Variants in SLMAP observed in about 807,000 individuals in gnomAD.
The protein encoded by SLMAP is sarcolemmal membrane-associated protein.
A neutral mutation model predicts 128.8 loss-of-function variants in SLMAP; 44 were observed. The observed-to-expected ratio is 0.34, with a 90% confidence interval of 0.27 to 0.44. The LOEUF (loss-of-function observed/expected upper bound fraction) is 0.44. Ranked by LOEUF, SLMAP falls within the 20% of genes least tolerant of loss-of-function variation. The probability of loss-of-function intolerance (pLI) is 1.00; values close to 1 mark genes in which losing one functional copy is unlikely to be tolerated. For synonymous variants in SLMAP, 327 were observed against 348.8 expected (o/e 0.94, Z 0.70); for missense variants, 787 against 985.3 (o/e 0.80, Z 2.69).
intron 2 of SLMAP, among the ~76,000 whole-genome samples, chr3:57,772,471 C>T (rs893324711): frequency 1.3e-5 from 2 of 152,142 alleles, no homozygotes; most frequent in African/African-American, 2.4e-5. Context: ...ACAGAAGTGG[C>T]GTTGTGCAGA....
chr3:57,909,202 G>T, intron 19 of SLMAP, 52 bp downstream of exon 19: 1 of 1,389,802 alleles, frequency 7.2e-7, no homozygotes, highest in South Asian at 1.3e-5. Context: ...TTTGTTTTTA[G>T]TGATTCAAAA....
At chr3:57,912,770 AG>A in intron 20 of SLMAP, 69 bp downstream of exon 20, 2 of 1,198,340 alleles carry the variant, frequency 1.7e-6, no homozygotes, top group Admixed American at 2.6e-5. Context: ...TGTTTAAAAA[AG>A]AAACATGCAG....
At chr3:57,880,323 T>C (rs2095704555) in intron 14 of SLMAP, among the ~76,000 whole-genome samples, 1 of 152,040 alleles carries the variant, frequency 6.6e-6, no homozygotes, top group Non-Finnish European at 1.5e-5. Context: ...TGTCTCGGCC[T>C]CCTGAGTAGC....
At chr3:57,894,392 A>G (rs562279348) in intron 15 of SLMAP, among the ~76,000 whole-genome samples, 1 of 152,216 alleles carries the variant, frequency 6.6e-6, no homozygotes, top group Non-Finnish European at 1.5e-5. Context: ...TTTTCATTCC[A>G]TAATATATGT....
intron 8 of SLMAP, among the ~76,000 whole-genome samples, chr3:57,858,751 C>T (rs577798490): frequency 1.3e-5 from 2 of 152,102 alleles, no homozygotes; most frequent in South Asian, 4.2e-4. Flanking sequence ...AAGACCAGTC[C>T]AACCGACATG....
chr3:57,869,630 T>TTATATGTATGTATATATATATA (rs1553900185), intron 13 of SLMAP, among the ~76,000 whole-genome samples: 11 of 75,466 alleles, frequency 1.5e-4, no homozygotes, highest in African/African-American at 5.5e-4. Flanking sequence ...CCCATCTCTA[T>TTATATGTATGTATATATATATA]TATATATATA....
intron 18 of SLMAP, among the ~76,000 whole-genome samples, chr3:57,908,793 A>G (rs115361246): frequency 1.2e-4 from 19 of 152,356 alleles, no homozygotes; most frequent in African/African-American, 4.3e-4. Context: ...CTGATTAACA[A>G]TTATCAAGAC....
intron 2 of SLMAP, among the ~76,000 whole-genome samples, chr3:57,761,027 AG>A (rs2078525531): frequency 6.7e-6 from 1 of 148,346 alleles, no homozygotes; most frequent in Admixed American, 6.7e-5. Flanking sequence ...GCGCCCGGCC[AG>A]GTTTTTTTTT....
At chr3:57,879,234 G>A (rs975200872) in intron 14 of SLMAP, among the ~76,000 whole-genome samples, 1 of 152,166 alleles carries the variant, frequency 6.6e-6, no homozygotes, top group South Asian at 2.1e-4. Context: ...AATATGGTTA[G>A]TACATAATTT....
At chr3:57,793,607 G>A (rs1303391025) in intron 2 of SLMAP, among the ~76,000 whole-genome samples, 4 of 152,100 alleles carry the variant, frequency 2.6e-5, no homozygotes, top group East Asian at 3.8e-4. Flanking sequence ...CTGTGTAATA[G>A]CAATACTTTC....
chr3:57,926,853 G>T (rs1051051851), intron 24 of SLMAP, among the ~76,000 whole-genome samples: 3 of 152,178 alleles, frequency 2.0e-5, no homozygotes, highest in African/African-American at 7.2e-5. Flanking sequence ...TATCACCTTA[G>T]CCACTATCCC....
At chr3:57,883,433 A>G (rs1468223185) in intron 14 of SLMAP, among the ~76,000 whole-genome samples, 2 of 152,162 alleles carry the variant, frequency 1.3e-5, no homozygotes, top group Non-Finnish European at 2.9e-5. Flanking sequence ...AGAGATCTTA[A>G]AGGCTAATGC....
chr3:57,791,909 C>G (rs957762829), intron 2 of SLMAP, among the ~76,000 whole-genome samples: 1 of 152,030 alleles, frequency 6.6e-6, no homozygotes, highest in Non-Finnish European at 1.5e-5. Context: ...ACAGATAAAT[C>G]AAAAACAGTA....
rs568848191 is a variant in SLMAP, at chr3:57,781,709, A to C, written c.198+23860A>C. Among the ~76,000 whole-genome samples the C allele has an allele frequency of 3.3e-5, 5 of 150,668 alleles. No homozygotes were observed. In the South Asian group the frequency reaches 1.1e-3, roughly 32 times the overall value. ...ACCATGTAACTATACAAGCTATTCT[A>C]AGTAAATAAATATTGACTGATTTTT... On this transcript the variant is annotated intron_variant, in intron 2 of 24. Coordinates refer to ENST00000671191, the MANE Select transcript of SLMAP (RefSeq NM_001377540.1).
At position 57,927,325 on chromosome 3, in the gene SLMAP, T is replaced by A. The variant is rs370475448; in HGVS notation, c.*36T>A. On this transcript the variant is annotated 3_prime_UTR_variant, in exon 25 of 25. Transcript: ENST00000671191. ...CCTGGCCCTGGATGCCCATGTTGGCTGCCCTGGTTGCAGTAACAGCCATCG... is the reference window on the plus strand; with the variant it reads ...CCTGGCCCTGGATGCCCATGTTGGCAGCCCTGGTTGCAGTAACAGCCATCG... The A allele has an allele frequency of 1.2e-6, 2 of 1,607,628 alleles. No homozygotes were observed. Among genetic ancestry groups the A allele is most frequent in the Non-Finnish European group, 1.7e-6 (2 of 1,175,828 alleles).
At chr3:57,869,036 A>T (rs1303173815) in intron 13 of SLMAP, among the ~76,000 whole-genome samples, 3 of 138,688 alleles carry the variant, frequency 2.2e-5, no homozygotes, top group Admixed American at 8.0e-5. Context: ...TTATATATAT[A>T]ATATATATTA....
rs2096995062 is a variant in SLMAP at position 57,925,706 on chromosome 3, T to C, written c.2446-139T>C. On this transcript the variant is annotated intron_variant, in intron 23 of 24. Transcript: ENST00000671191. Reference sequence around the variant, plus strand: ...TTGTGTTAGATGTCTTTAAAATGTTTGAATCTGTGTAAAACCTGAGTGGTA... The same window carrying C: ...TTGTGTTAGATGTCTTTAAAATGTTCGAATCTGTGTAAAACCTGAGTGGTA... 2.2e-5 allele frequency: 14 copies of C among 637,462 alleles called. 1 individual carries two copies. In the South Asian group the frequency reaches 2.5e-4, roughly 11 times the overall value. 39.5% of individuals were successfully genotyped at this position (637,462 alleles called of 1,614,324 possible).
rs2096016056 is a variant in SLMAP at position 57,890,027 on chromosome 3, A to G, written c.1301-14A>G. On this transcript the variant is annotated splice_polypyrimidine_tract_variant and intron_variant, in intron 14 of 24. Transcript: ENST00000671191. ...AGTTTGGGCTTGGATGGTAACGTTT[A>G]TTTTCCTTGGCAGAGAAGCTGATCG... 6.2e-7 allele frequency: 1 copy of G among 1,602,804 alleles called. No homozygotes were observed. Among genetic ancestry groups the G allele is most frequent in the Non-Finnish European group, 8.5e-7 (1 of 1,169,850 alleles).
intron 13 of SLMAP, among the ~76,000 whole-genome samples, chr3:57,869,642 ATATATATATATATATATAAT>A (rs1473184128): frequency 1.5e-5 from 2 of 129,360 alleles, no homozygotes; most frequent in Non-Finnish European, 3.2e-5. Flanking sequence ...ATATATATAT[ATATATATATATATATATAAT>A]ATATATAAAC....
Sources: allele counts gnomAD v4.1 joint callset (sites outside exome capture counted in the v4.1 genomes callset), GRCh38; gene constraint gnomAD v4.1.1; transcripts MANE v1.5; gene names NCBI Gene and HGNC (gene_info 2026-07-23, HGNC 2026-07-21).